Variants in RB1CC1 observed in about 807,000 individuals in gnomAD.
The protein encoded by RB1CC1 is RB1 inducible coiled-coil 1.
In RB1CC1, 46 loss-of-function variants were observed where a neutral mutation model predicts 177.5. The ratio of observed to expected loss-of-function variants is 0.26; its 90% CI spans 0.20 to 0.33. The LOEUF (loss-of-function observed/expected upper bound fraction) is 0.33, where lower values mean the gene tolerates loss of function less well. Among genes scored for constraint, RB1CC1 ranks in the 10% least tolerant of loss-of-function variants. The pLI is 1.00. For synonymous variants in RB1CC1, 666 were observed against 613.6 expected (o/e 1.09, Z -1.26); for missense variants, 1,703 against 1,816.3 (o/e 0.94, Z 1.13).
chr8:52,668,103 C>T lies in RB1CC1; in HGVS notation c.1091G>A (p.Gly364Glu), dbSNP rs781287900. The change falls in exon 8 of 24, where the codon GGA becomes GAA. Residue 364 changes from glycine (G) to glutamate (E), a missense_variant. Physicochemically the swap from Gly to Glu is moderately conservative, Grantham distance 98 (BLOSUM62 -2). This residue lies in a region of RB1CC1 where 315 missense variants were observed against 304.9 expected (regional missense o/e 1.03). Coordinates refer to ENST00000025008, the MANE Select transcript of RB1CC1 (RefSeq NM_014781.5). Reference protein sequence around the residue: ...LDNQNMKAIKGLEDRLYALDQ... With the variant: ...LDNQNMKAIKELEDRLYALDQ... Reference sequence around the variant, plus strand: ...CAGGGCGTAGAGCCGATCTTCAAGTCCTTTAATGGCTTTCATATTCTGATT... The same window carrying T: ...CAGGGCGTAGAGCCGATCTTCAAGTTCTTTAATGGCTTTCATATTCTGATT... 1 of 1,614,122 alleles carries T rather than the reference C, an allele frequency of 6.2e-7. No homozygotes were observed.
At chr8:52,667,953 C>T in intron 8 of RB1CC1, 68 bp downstream of exon 8, 8 of 1,449,988 alleles carry the variant, frequency 5.5e-6, no homozygotes, top group Admixed American at 2.1e-5. Context: ...CAAATTGATA[C>T]TGCATATAAA....
At chr8:52,691,044 T>C (rs1854808205) in intron 1 of RB1CC1, among the ~76,000 whole-genome samples, 1 of 152,270 alleles carries the variant, frequency 6.6e-6, no homozygotes, top group African/African-American at 2.4e-5. Context: ...CTACAGTCCA[T>C]ATTCAAACTA....
chr8:52,669,904 C>CAA (rs1211040944), intron 7 of RB1CC1, among the ~76,000 whole-genome samples: 1 of 152,166 alleles, frequency 6.6e-6, no homozygotes, highest in East Asian at 1.9e-4. Flanking sequence ...ACTGCACTGA[C>CAA]AAACATAGGA....
intron 22 of RB1CC1, among the ~76,000 whole-genome samples, chr8:52,627,398 C>T (rs910763666): frequency 2.0e-5 from 3 of 152,042 alleles, no homozygotes; most frequent in Non-Finnish European, 2.9e-5. Flanking sequence ...GACTTTGTTG[C>T]GAGTCAGTCC....
chr8:52,708,750 A>G (rs1159592093), intron 1 of RB1CC1, among the ~76,000 whole-genome samples: 1 of 152,194 alleles, frequency 6.6e-6, no homozygotes, highest in African/African-American at 2.4e-5. Context: ...ACAGTCAGCT[A>G]TAAATGAAGG....
chr8:52,624,644 G>T, intron 23 of RB1CC1, 73 bp downstream of exon 23: 2 of 1,219,402 alleles, frequency 1.6e-6, no homozygotes, highest in South Asian at 1.3e-5. Flanking sequence ...CAGTGGTAAT[G>T]ATTTCTATAT....
intron 8 of RB1CC1, among the ~76,000 whole-genome samples, chr8:52,666,449 C>T (rs1231326111): frequency 6.6e-6 from 1 of 151,270 alleles, no homozygotes; most frequent in Non-Finnish European, 1.5e-5. Flanking sequence ...ACCCAGGAGG[C>T]AGACGTTGCA....
chr8:52,644,500 AGAG>A (rs1395102666), intron 16 of RB1CC1, among the ~76,000 whole-genome samples: 1 of 152,202 alleles, frequency 6.6e-6, no homozygotes, highest in South Asian at 2.1e-4. Flanking sequence ...AATGAATCAT[AGAG>A]AAGAATCTAT....
At chr8:52,680,977 T>G (rs1207559389) in intron 5 of RB1CC1, among the ~76,000 whole-genome samples, 2 of 122,486 alleles carry the variant, frequency 1.6e-5, no homozygotes, top group Admixed American at 7.8e-5. Flanking sequence ...TTTGTGTGTG[T>G]GTGTGTGTGT....
intron 16 of RB1CC1, 138 bp downstream of exon 16, chr8:52,645,564 G>T: frequency 1.1e-6 from 1 of 916,166 alleles, no homozygotes; most frequent in African/African-American, 1.8e-5. Context: ...TTGTCAAGAG[G>T]AAATTTATTA....
chr8:52,711,919 T>C (rs993826501), intron 1 of RB1CC1, among the ~76,000 whole-genome samples: 1 of 152,204 alleles, frequency 6.6e-6, no homozygotes, highest in Non-Finnish European at 1.5e-5. Flanking sequence ...CTTACTTCTC[T>C]TGGGCCTTTA....
At chr8:52,708,795 C>T (rs972046180) in intron 1 of RB1CC1, among the ~76,000 whole-genome samples, 7 of 152,058 alleles carry the variant, frequency 4.6e-5, no homozygotes, top group Non-Finnish European at 8.8e-5. Flanking sequence ...AATATTGATC[C>T]GACAGGGTGG....
chr8:52,635,076 GA>G, intron 19 of RB1CC1, 108 bp from the exon 20 acceptor site: 1 of 964,272 alleles, frequency 1.0e-6, no homozygotes. Flanking sequence ...GTTCGGGTAT[GA>G]AAAGTTGATG....
chr8:52,667,260 T>A (rs1852149175), intron 8 of RB1CC1, among the ~76,000 whole-genome samples: 1 of 152,194 alleles, frequency 6.6e-6, no homozygotes, highest in Non-Finnish European at 1.5e-5. Context: ...ATATCAGCCT[T>A]AACTATAACA....
rs1273561520 is a variant in RB1CC1, at chr8:52,674,153, C to G, written c.694G>C (p.Ala232Pro). ...AGTTCAGTGGATCTTTTCATCTCAG[C>G]TTTTTCTGAGTCTTCATGTTCAGGT... ...SLPEHEDSEKAEMKRSTELVL... is the reference protein window; with the variant it reads ...SLPEHEDSEKPEMKRSTELVL... Residue 232 changes from alanine (A) to proline (P), a missense_variant, in exon 7 of 24, where the codon GCT (alanine) becomes CCT (proline). By Grantham distance (27) the Ala-to-Pro change is conservative. Around this residue, in one of 6 missense-constraint regions of RB1CC1, gnomAD observed 315 missense variants for 304.9 expected, o/e 1.03. Coordinates refer to ENST00000025008, the MANE Select transcript of RB1CC1 (RefSeq NM_014781.5). The G allele has an allele frequency of 6.2e-7, 1 of 1,613,930 alleles. No homozygotes were observed. Among genetic ancestry groups the G allele is most frequent in the South Asian group, 1.1e-5 (1 of 91,080 alleles).
In RB1CC1 at chr8:52,674,168, C is replaced by T; in HGVS notation, c.679G>A (p.Glu227Lys). The T allele has an allele frequency of 6.2e-7, 1 of 1,613,544 alleles. No homozygotes were observed. Among genetic ancestry groups the T allele is most frequent in the East Asian group, 2.2e-5 (1 of 44,860 alleles). ...LGRLDSLPEHEDSEKAEMKRS... is the reference protein window; with the variant it reads ...LGRLDSLPEHKDSEKAEMKRS... The stretch of plus-strand genomic sequence containing the variant: ...TTCATCTCAGCTTTTTCTGAGTCTT[C>T]ATGTTCAGGTAAAGAATCCAGTCTT... The change falls in exon 7 of 24, where the codon GAA (glutamate) becomes AAA (lysine). Residue 227 changes from glutamate (E) to lysine (K), a missense_variant. By Grantham distance (56) the Glu-to-Lys change is moderately conservative. Coordinates refer to ENST00000025008, the MANE Select transcript of RB1CC1 (RefSeq NM_014781.5).
rs4394416 is a variant in RB1CC1, at chr8:52,625,902, C to T, written c.4637-1115G>A. On this transcript the variant is annotated intron_variant, in intron 22 of 23. Transcript: ENST00000025008. Reference sequence around the variant, plus strand: ...GCTAAAGCCTTTGAAAGAAGGCATACGGATTTTTATTCCATACAAATAATT... The same window carrying T: ...GCTAAAGCCTTTGAAAGAAGGCATATGGATTTTTATTCCATACAAATAATT... Among the ~76,000 whole-genome samples the T allele has an allele frequency of 9.0e-3, 1,374 of 152,204 alleles. 79 individuals are homozygous for T. The highest frequency in any genetic ancestry group is 0.077 in the Admixed American group (1,170 of 15,288).
Position 52,655,932 on chromosome 8 carries a change from T to G in RB1CC1, c.3821+76A>C, listed in dbSNP as rs1218781042. On this transcript the variant is annotated intron_variant, in intron 15 of 23. Coordinates refer to ENST00000025008, the MANE Select transcript of RB1CC1 (RefSeq NM_014781.5). ...CATTTACCCAAGGTAAATGAGTAAATCAAGGTACTGTGATTACACACAAAC... is the reference window on the plus strand; with the variant it reads ...CATTTACCCAAGGTAAATGAGTAAAGCAAGGTACTGTGATTACACACAAAC... The G allele has an allele frequency of 4.2e-6, 5 of 1,179,256 alleles. No homozygotes were observed. In the African/African-American group the frequency reaches 7.7e-5, roughly 18 times the overall value. 73.0% of individuals were successfully genotyped at this position (1,179,256 alleles called of 1,614,324 possible).
intron 13 of RB1CC1, among the ~76,000 whole-genome samples, chr8:52,658,496 G>C (rs549756024): frequency 8.6e-4 from 128 of 148,584 alleles, no homozygotes; most frequent in Non-Finnish European, 1.1e-3. Context: ...AGAACTGCTG[G>C]AACATGGGAG....
Sources: gnomAD v4.1 joint callset for allele counts (sites outside exome capture counted in the v4.1 genomes callset) on GRCh38, gnomAD v4.1.1 for gene constraint, gnomAD v4.1.1 regional missense constraint, MANE v1.5 for transcripts, NCBI Gene and HGNC (gene_info 2026-07-23, HGNC 2026-07-21) for gene names.